Variants in CDH8 observed in about 807,000 individuals in gnomAD.
CDH8 encodes cadherin 8.
CDH8 carries 17 observed loss-of-function variants against 68.1 expected under a neutral mutation model. That is an observed-to-expected ratio of 0.25 (90% CI 0.17 to 0.37). The LOEUF (loss-of-function observed/expected upper bound fraction) is 0.37, where lower values mean the gene tolerates loss of function less well. Among genes scored for constraint, CDH8 ranks in the 10% least tolerant of loss-of-function variants. The pLI is 1.00. For missense variants in CDH8, 763 were observed against 999.3 expected, an observed-to-expected ratio of 0.76 and a Z score of 3.19; for synonymous variants, 372 against 365.1, an observed-to-expected ratio of 1.02 and a Z score of -0.21.
intron 2 of CDH8, among the ~76,000 whole-genome samples, chr16:61,999,956 C>T (rs944050992): frequency 1.3e-5 from 2 of 151,638 alleles, no homozygotes; most frequent in Non-Finnish European, 2.9e-5. Flanking sequence ...TGCTCTCCCT[C>T]CCCTTGCCCC....
chr16:62,006,637 T>C (rs939637581), intron 2 of CDH8, among the ~76,000 whole-genome samples: 12 of 152,198 alleles, frequency 7.9e-5, no homozygotes, highest in African/African-American at 2.9e-4. Flanking sequence ...TACTGAGCTA[T>C]TAAAAATGTA....
chr16:61,747,917 C>G (rs1960063385), intron 8 of CDH8, among the ~76,000 whole-genome samples: 1 of 152,036 alleles, frequency 6.6e-6, no homozygotes, highest in African/African-American at 2.4e-5. Flanking sequence ...GGGCTTTGAA[C>G]ACAGTTATTT....
intron 2 of CDH8, among the ~76,000 whole-genome samples, chr16:61,948,666 C>G (rs1791918056): frequency 6.6e-6 from 1 of 152,116 alleles, no homozygotes; most frequent in Non-Finnish European, 1.5e-5. Context: ...GAAACAATAG[C>G]CCAACAATAG....
intron 7 of CDH8, among the ~76,000 whole-genome samples, chr16:61,792,134 G>C (rs1024311405): frequency 4.0e-5 from 6 of 151,872 alleles, no homozygotes; most frequent in Non-Finnish European, 7.4e-5. Flanking sequence ...AAAAAAATGT[G>C]TGTTATTTAA....
chr16:61,803,561 T>A (rs1357383547), intron 7 of CDH8, among the ~76,000 whole-genome samples: 1 of 152,052 alleles, frequency 6.6e-6, no homozygotes, highest in Non-Finnish European at 1.5e-5. Context: ...TGTGCTGTAT[T>A]CAGGAAGCCC....
chr16:61,884,374 A>T (rs1004557926), intron 3 of CDH8, among the ~76,000 whole-genome samples: 4 of 140,628 alleles, frequency 2.8e-5, no homozygotes, highest in African/African-American at 1.0e-4. Context: ...CTTTCTTATG[A>T]TTTTTTTTTT....
intron 10 of CDH8, among the ~76,000 whole-genome samples, chr16:61,675,343 G>T (rs573445686): frequency 1.3e-5 from 2 of 149,964 alleles, no homozygotes; most frequent in African/African-American, 2.5e-5. Context: ...GTAAAATATC[G>T]CAAGAACAAA....
chr16:61,951,293 C>T (rs1475129305), intron 2 of CDH8, among the ~76,000 whole-genome samples: 3 of 151,898 alleles, frequency 2.0e-5, no homozygotes, highest in South Asian at 2.1e-4. Flanking sequence ...AGGCGGATCA[C>T]GAGGTCAGGA....
At chr16:61,767,300 TATTA>T (rs1319304715) in intron 8 of CDH8, among the ~76,000 whole-genome samples, 4 of 151,992 alleles carry the variant, frequency 2.6e-5, no homozygotes, top group Admixed American at 1.3e-4. Flanking sequence ...GCAAAATGAA[TATTA>T]GTTAAGCACA....
At chr16:61,910,670 C>T (rs181588668) in intron 2 of CDH8, among the ~76,000 whole-genome samples, 12 of 152,034 alleles carry the variant, frequency 7.9e-5, no homozygotes, top group Non-Finnish European at 1.2e-4. Flanking sequence ...GTTAAAGGCA[C>T]GATATGTCCC....
At chr16:61,842,875 T>C (rs1034550091) in intron 4 of CDH8, among the ~76,000 whole-genome samples, 26 of 152,190 alleles carry the variant, frequency 1.7e-4, no homozygotes. Flanking sequence ...ATTCAGCACC[T>C]TGACATTTAC....
intron 6 of CDH8, among the ~76,000 whole-genome samples, chr16:61,819,156 A>G (rs2143000352): frequency 6.6e-6 from 1 of 152,156 alleles, no homozygotes; most frequent in African/African-American, 2.4e-5. Context: ...CCAGCTCAAG[A>G]TAACAACAAT....
At chr16:61,708,872 A>G (rs1322886055) in intron 10 of CDH8, among the ~76,000 whole-genome samples, 1 of 152,208 alleles carries the variant, frequency 6.6e-6, no homozygotes, top group African/African-American at 2.4e-5. Context: ...GAAATGTCCC[A>G]TGCTTCATAT....
intron 10 of CDH8, among the ~76,000 whole-genome samples, chr16:61,670,116 C>A (rs1484358388): frequency 6.6e-6 from 1 of 151,990 alleles, no homozygotes; most frequent in Non-Finnish European, 1.5e-5. Flanking sequence ...CGTGTACTAT[C>A]TTTGTGATTC....
intron 10 of CDH8, among the ~76,000 whole-genome samples, chr16:61,687,857 T>C (rs1245789365): frequency 6.6e-6 from 1 of 152,044 alleles, no homozygotes; most frequent in Middle Eastern, 3.2e-3. Flanking sequence ...AGAATTGTAG[T>C]GAGTCTTTTC....
chr16:61,794,947 C>T (rs1322388660), intron 7 of CDH8, among the ~76,000 whole-genome samples: 1 of 151,896 alleles, frequency 6.6e-6, no homozygotes, highest in African/African-American at 2.4e-5. Context: ...TAATCACCCT[C>T]CTCCCCACCC....
chr16:61,722,821 C>G (rs1167610988), intron 9 of CDH8, among the ~76,000 whole-genome samples: 1 of 150,488 alleles, frequency 6.6e-6, no homozygotes, highest in Non-Finnish European at 1.5e-5. Flanking sequence ...CTTTATATTT[C>G]TACAATGTTG....
chr16:61,715,622 T>C (rs1425888440), intron 9 of CDH8, among the ~76,000 whole-genome samples: 2 of 151,628 alleles, frequency 1.3e-5, no homozygotes, highest in Non-Finnish European at 3.0e-5. Flanking sequence ...AAATCTTTTA[T>C]AAATGTAACA....
chr16:61,782,568 G>C lies in CDH8; in HGVS notation c.1414+6778C>G, dbSNP rs1363836488. 9.3e-3 allele frequency among the ~76,000 whole-genome samples: 1,375 copies of C among 148,274 alleles called. 18 individuals carry two copies. Among genetic ancestry groups the C allele is most frequent in the African/African-American group, 0.032 (1,224 of 38,734 alleles). The stretch of plus-strand genomic sequence containing the variant: ...GGTAAACAAAGCAGCCAGGAAGCTC[G>C]AACTGGGTGGAGCCCACCACAGCTC... On this transcript the variant is annotated intron_variant, in intron 8 of 11. Coordinates refer to ENST00000577390, the MANE Select transcript of CDH8 (RefSeq NM_001796.5).
Sources: allele counts gnomAD v4.1 joint callset (sites outside exome capture counted in the v4.1 genomes callset), GRCh38; gene constraint gnomAD v4.1.1; transcripts MANE v1.5; gene names NCBI Gene and HGNC (gene_info 2026-07-23, HGNC 2026-07-21).